Variants in NFRKB observed in about 807,000 individuals in gnomAD.
NFRKB encodes the protein nuclear factor related to kappaB binding protein.
Under a neutral mutation model 135.7 loss-of-function variants are expected in NFRKB, and 62 were observed. The ratio of observed to expected loss-of-function variants is 0.46; its 90% CI spans 0.37 to 0.56. The LOEUF (loss-of-function observed/expected upper bound fraction) is 0.56. Ranked by LOEUF, NFRKB falls within the 20% of genes least tolerant of loss-of-function variation. The pLI, the probability that NFRKB is intolerant of heterozygous loss-of-function variation, is 0.00. For synonymous variants in NFRKB, 678 were observed against 635.6 expected, an observed-to-expected ratio of 1.07 and a Z score of -1.00; for missense variants, 1,545 against 1,662.0, an observed-to-expected ratio of 0.93 and a Z score of 1.22.
At chr11:129,871,896 GC>G (rs1436574431) in intron 23 of NFRKB, among the ~76,000 whole-genome samples, 1 of 152,024 alleles carries the variant, frequency 6.6e-6, no homozygotes, top group African/African-American at 2.4e-5. Context: ...CTAACTACTG[GC>G]AACCTCTCCC....
chr11:129,892,713 A>G lies in NFRKB; in HGVS notation c.135+2T>C. ...AAAGGTCACAACCGTGTTACTACTCACATCCTCCAGAAGGTCCTCGGGCAG... is the reference window on the plus strand; with the variant it reads ...AAAGGTCACAACCGTGTTACTACTCGCATCCTCCAGAAGGTCCTCGGGCAG... On this transcript the variant is annotated splice_donor_variant, in intron 3 of 26. Transcript: ENST00000682444. LOFTEE classifies it high-confidence loss of function. 1 of 1,613,472 alleles carries G rather than the reference A, an allele frequency of 6.2e-7. No individual in the cohort carries two copies. The highest frequency in any genetic ancestry group is 8.5e-7 in the Non-Finnish European group (1 of 1,180,008).
At position 129,863,772 on chromosome 11, in the gene NFRKB, G is replaced by A. The variant is rs1307613700; in HGVS notation, c.*953C>T. 1.3e-5 allele frequency: 2 copies of A among 152,250 alleles called. No homozygotes were observed. Among genetic ancestry groups the A allele is most frequent in the African/African-American group, 4.8e-5 (2 of 41,428 alleles). The allele number at this position is 152,250 out of a possible 1,614,324, so 9.4% of individuals were successfully genotyped here. Reference sequence around the variant, plus strand: ...CCACAGATAATACAAACACAAATTGGTCTGGGCTGTGTTCCAATAAAACTT... The same window carrying A: ...CCACAGATAATACAAACACAAATTGATCTGGGCTGTGTTCCAATAAAACTT... On this transcript the variant is annotated 3_prime_UTR_variant, in exon 27 of 27. Transcript: ENST00000682444.
chr11:129,865,060 G>A lies in NFRKB; in HGVS notation c.3680C>T (p.Pro1227Leu). The A allele has an allele frequency of 2.5e-6, 4 of 1,612,286 alleles. No homozygotes were observed. Among genetic ancestry groups the A allele is most frequent in the Non-Finnish European group, 3.4e-6 (4 of 1,179,672 alleles). The change falls in exon 26 of 27, where the codon CCA becomes CTA. Residue 1227 changes from proline (P) to leucine (L), a missense_variant. Coordinates refer to ENST00000682444, the MANE Select transcript of NFRKB (RefSeq NM_001143835.2). ...GCCAGCAATGAGCTTAGTGCCTGCT[G>A]GCATAGTTGTGAGGATGATGTTGCG... ...LGRNIILTTM[P>L]AGTKLIAGNK... is the part of the protein sequence containing the mutation.
At position 129,874,629 on chromosome 11, in the gene NFRKB, T is replaced by C. The variant is rs1231236179; in HGVS notation, c.1979-49A>G. 8 of 1,607,460 alleles carry C rather than the reference T, an allele frequency of 5.0e-6. No homozygotes were observed. Among genetic ancestry groups the C allele is most frequent in the Non-Finnish European group, 6.8e-6 (8 of 1,177,116 alleles). ...CAGCCAGAGTTTAACCTTAGCAAAC[T>C]AAAAAGAGGGGCTTTGTTAAAAACC... On this transcript the variant is annotated intron_variant, in intron 19 of 26. Transcript: ENST00000682444. The surrounding 1 kb of genome is among the most constrained non-coding windows in gnomAD (Gnocchi z 4.5).
chr11:129,864,630 C>A lies in NFRKB; in HGVS notation c.*95G>T, dbSNP rs1225991229. The A allele has an allele frequency of 6.4e-7, 1 of 1,554,876 alleles. No homozygotes were observed. Among genetic ancestry groups the A allele is most frequent in the African/African-American group, 1.4e-5 (1 of 73,886 alleles). On this transcript the variant is annotated 3_prime_UTR_variant, in exon 27 of 27. Transcript: ENST00000682444. ...TCACCCCTCGCCTGGCTGCCTTGAA[C>A]AGGCAAGCTTAAAACAATGATGCAA...
At chr11:129,887,027 C>T (rs1949311814) in intron 4 of NFRKB, among the ~76,000 whole-genome samples, 1 of 152,218 alleles carries the variant, frequency 6.6e-6, no homozygotes, top group Non-Finnish European at 1.5e-5. Context: ...AGGCTACTCT[C>T]TCTGGTCATT....
rs184157405 is a variant in NFRKB, at chr11:129,865,897, G to T, written c.3618C>A (p.Ile1206=). ...KGKSVVTAPI[I]KGNLGANLSG... ...CTTACTTGGCTCCAAGGTTGCCTTT[G>T]ATGATGGGGGCTGTGACCACGCTCT... The change falls in exon 25 of 27, where the codon ATC becomes ATA. Residue 1206 remains isoleucine, a synonymous_variant. Transcript: ENST00000682444. The T allele has an allele frequency of 3.5e-5, 56 of 1,614,114 alleles. No homozygotes were observed. The highest frequency in any genetic ancestry group is 4.7e-5 in the Non-Finnish European group (56 of 1,180,034).
chr11:129,884,722 G>A, intron 7 of NFRKB, 23 bp downstream of exon 7: 1 of 1,612,732 alleles, frequency 6.2e-7, no homozygotes, highest in South Asian at 1.1e-5. Flanking sequence ...CCAGAATGGT[G>A]ACAGCGGCAG....
At chr11:129,876,191 T>C (rs180885725) in intron 17 of NFRKB, among the ~76,000 whole-genome samples, 128 of 152,340 alleles carry the variant, frequency 8.4e-4, no homozygotes, top group Middle Eastern at 3.4e-3. Context: ...CATCACTACT[T>C]GGAAATTTCA....
intron 24 of NFRKB, among the ~76,000 whole-genome samples, chr11:129,867,998 T>C (rs1342168652): frequency 6.6e-6 from 1 of 152,162 alleles, no homozygotes; most frequent in East Asian, 1.9e-4. Flanking sequence ...TTCAAATGCA[T>C]TAACAATTAT....
chr11:129,888,115 A>T (rs1949366999), intron 4 of NFRKB, among the ~76,000 whole-genome samples: 1 of 152,314 alleles, frequency 6.6e-6, no homozygotes, highest in African/African-American at 2.4e-5. Flanking sequence ...GAGTGTGGTA[A>T]CAGGGCGGTG....
At chr11:129,883,999 TCTTCCTCAGGACAGCCAATC>T in intron 8 of NFRKB, 51 bp downstream of exon 8, 1 of 1,498,202 alleles carries the variant, frequency 6.7e-7, no homozygotes, top group Admixed American at 1.7e-5. Context: ...ATGCCCCGTG[TCTTCCTCAGGACAGCCAATC>T]CTGAGACATC....
rs1350270638 is a variant in NFRKB at position 129,882,506 on chromosome 11, C to T, written c.1027G>A (p.Val343Ile). Residue 343 changes from valine (V) to isoleucine (I), a missense_variant, in exon 10 of 27, where the codon GTC becomes ATC. Transcript: ENST00000682444. ...GAGGGGGCCTGTGAGAGAGGTGCGACCCCTTCAGTACTGCTTAGCGGCTCG... is the reference window on the plus strand; with the variant it reads ...GAGGGGGCCTGTGAGAGAGGTGCGATCCCTTCAGTACTGCTTAGCGGCTCG... ...LAEPLSSTEGVAPLSQAPSPL... is the reference protein window; with the variant it reads ...LAEPLSSTEGIAPLSQAPSPL... 2 of 1,613,918 alleles carry T rather than the reference C, an allele frequency of 1.2e-6. No individual in the cohort carries two copies. The highest frequency in any genetic ancestry group is 1.3e-5 in the African/African-American group (1 of 74,910).
At chr11:129,867,435 G>GTA (rs1948253952) in intron 24 of NFRKB, among the ~76,000 whole-genome samples, 2 of 148,792 alleles carry the variant, frequency 1.3e-5, no homozygotes, top group African/African-American at 5.0e-5. Context: ...TCCTGCCTCA[G>GTA]CCCCCTGAGT....
At chr11:129,893,908 C>T (rs1372944008) in intron 2 of NFRKB, 1 of 152,186 alleles carries the variant, frequency 6.6e-6, no homozygotes, top group African/African-American at 2.4e-5. Context: ...ATAATAAAAA[C>T]GAACCTTACT....
intron 7 of NFRKB, among the ~76,000 whole-genome samples, chr11:129,884,363 C>A (rs928757492): frequency 6.6e-6 from 1 of 152,186 alleles, no homozygotes; most frequent in African/African-American, 2.4e-5. Context: ...ACTTAAAGTT[C>A]TTAACCATCT....
intron 17 of NFRKB, among the ~76,000 whole-genome samples, chr11:129,875,765 TC>T (rs1948738425): frequency 6.9e-6 from 1 of 145,482 alleles, no homozygotes; most frequent in African/African-American, 2.5e-5. Flanking sequence ...CAAGCAATCC[TC>T]CTGCCTCAGC....
rs200010268 is a variant in NFRKB at position 129,869,921 on chromosome 11, G to A, written c.3104C>T (p.Thr1035Ile). Residue 1035 changes from threonine (T) to isoleucine (I), a missense_variant, in exon 24 of 27, where the codon ACT (threonine) becomes ATT (isoleucine). Thr to Ile is a moderately conservative substitution (Grantham distance 89, BLOSUM62 -1). Coordinates refer to ENST00000682444, the MANE Select transcript of NFRKB (RefSeq NM_001143835.2). ...KASSASAPSSTPTGTTVVKVT... is the reference protein window; with the variant it reads ...KASSASAPSSIPTGTTVVKVT... ...TTTGACCACAGTGGTACCTGTTGGA[G>A]TGGATGAAGGGGCACTGGCTGAACT... is the stretch of plus-strand genomic sequence containing the variant. 127 of 1,614,274 alleles carry A rather than the reference G, an allele frequency of 7.9e-5. No individual in the cohort carries two copies. In the African/African-American group the frequency reaches 1.4e-3, roughly 18 times the overall value.
At chr11:129,889,015 G>A (rs942856416) in intron 3 of NFRKB, among the ~76,000 whole-genome samples, 9 of 147,818 alleles carry the variant, frequency 6.1e-5, no homozygotes, top group African/African-American at 1.8e-4. Context: ...AATTTTGCTC[G>A]TTGCCCAGGC....
Sources: allele counts gnomAD v4.1 joint callset (sites outside exome capture counted in the v4.1 genomes callset), GRCh38; gene constraint gnomAD v4.1.1; non-coding constraint Gnocchi (gnomAD v3.1); transcripts MANE v1.5; gene names NCBI Gene and HGNC (gene_info 2026-07-23, HGNC 2026-07-21).